The following ZNF536 variants were observed in gnomAD, a reference collection of about 807,000 sequenced individuals.
ZNF536 encodes the protein zinc finger protein 536.
ZNF536 carries 13 observed loss-of-function variants against 84.5 expected under a neutral mutation model. The ratio of observed to expected loss-of-function variants is 0.15; its 90% CI spans 0.10 to 0.24. The LOEUF (loss-of-function observed/expected upper bound fraction) is 0.24, where lower values mean the gene tolerates loss of function less well. Ranked by LOEUF, ZNF536 falls within the 10% of genes least tolerant of loss-of-function variation. ZNF536 has a pLI of 1.00. For missense variants in ZNF536, 1,536 were observed against 1,747.5 expected (o/e 0.88, Z 2.16); for synonymous variants, 811 against 742.5 (o/e 1.09, Z -1.50).
chr19:30,445,557 C>A lies in ZNF536; in HGVS notation c.1995C>A (p.His665Gln), dbSNP rs1267767541. The A allele has an allele frequency of 2.5e-6, 4 of 1,613,434 alleles. No homozygotes were observed. Among genetic ancestry groups the A allele is most frequent in the East Asian group, 2.2e-5 (1 of 44,820 alleles). The change falls in exon 2 of 5, where the codon CAC (histidine) becomes CAA (glutamine). Residue 665 changes from histidine (H) to glutamine (Q), a missense_variant. By Grantham distance (24) the His-to-Gln change is conservative (BLOSUM62 0). This residue lies in a region of ZNF536 where 366 missense variants were observed against 364.4 expected (regional missense o/e 1.00). Transcript: ENST00000355537. This position sits in a 1 kb window ranked among gnomAD's most constrained non-coding sequence, Gnocchi z 4.5. ...RDRKGEEDGLHVGLDERRGSG... is the reference protein window; with the variant it reads ...RDRKGEEDGLQVGLDERRGSG... Reference sequence around the variant, plus strand: ...GCAAGGGCGAGGAGGATGGGCTGCACGTGGGCCTGGATGAGCGGCGTGGCT... The same window carrying A: ...GCAAGGGCGAGGAGGATGGGCTGCAAGTGGGCCTGGATGAGCGGCGTGGCT...
At chr19:30,298,373 T>G (rs2046076164) in intron 2 of ZNF536, among the ~76,000 whole-genome samples, 1 of 152,222 alleles carries the variant, frequency 6.6e-6, no homozygotes, top group African/African-American at 2.4e-5. Flanking sequence ...CATCACCAGC[T>G]GTGCAGAGGC....
At chr19:30,271,819 C>T (rs371502505) in intron 1 of ZNF536, among the ~76,000 whole-genome samples, 106 of 152,262 alleles carry the variant, frequency 7.0e-4, no homozygotes, top group Middle Eastern at 3.4e-3. Context: ...GAGACAGACC[C>T]CAGGAAGTGG....
chr19:30,664,537 A>C (rs919850644), intron 1 of ZNF536, among the ~76,000 whole-genome samples: 1 of 152,156 alleles, frequency 6.6e-6, no homozygotes, highest in African/African-American at 2.4e-5. Context: ...ATCACAGGCC[A>C]GTTGCTTAAC....
chr19:30,272,988 C>T (rs568070090), intron 1 of ZNF536, among the ~76,000 whole-genome samples: 4 of 152,186 alleles, frequency 2.6e-5, no homozygotes, highest in Non-Finnish European at 5.9e-5. Context: ...TCATAGCTCA[C>T]TTCAGCCTCG....
chr19:30,707,742 G>T (rs1176214789), intron 1 of ZNF536, among the ~76,000 whole-genome samples: 1 of 152,178 alleles, frequency 6.6e-6, no homozygotes, highest in East Asian at 1.9e-4. Context: ...GGGCATGGTG[G>T]CTCACGTCTG....
intron 1 of ZNF536, among the ~76,000 whole-genome samples, chr19:30,283,882 C>A (rs2045540987): frequency 6.6e-6 from 1 of 152,160 alleles, no homozygotes; most frequent in African/African-American, 2.4e-5. Flanking sequence ...AAATTTGGTT[C>A]ATTGCAGCAA....
chr19:30,319,171 A>G (rs1238129873), intron 2 of ZNF536, among the ~76,000 whole-genome samples: 1 of 152,188 alleles, frequency 6.6e-6, no homozygotes, highest in Admixed American at 6.5e-5. Context: ...CAGGGTCCGC[A>G]CGCTCTACGC....
rs867502418 is a variant in ZNF536, at chr19:30,377,494, G to A, written c.-3+4938G>A. Among the ~76,000 whole-genome samples, 17 of 152,260 alleles carry A rather than the reference G, an allele frequency of 1.1e-4. No individual in the cohort carries two copies. The East Asian group carries it at 1.4e-3, about 12-fold the overall frequency. ...TTCAAAGCAAAAGCAAGTTTATTAA[G>A]AAAGTAAAGTGGTGAAAGTACGGCT... On this transcript the variant is annotated intron_variant, in intron 1 of 4. Coordinates refer to ENST00000355537, the MANE Select transcript of ZNF536 (RefSeq NM_014717.3).
intron 2 of ZNF536, among the ~76,000 whole-genome samples, chr19:30,340,292 T>C (rs1226734894): frequency 6.6e-6 from 1 of 151,972 alleles, no homozygotes; most frequent in African/African-American, 2.4e-5. Context: ...TCCTCAGAGG[T>C]GGTTTCAGGG....
rs12980596 is a variant in ZNF536, at chr19:30,524,531, G to T, written c.2171-10316G>T. On this transcript the variant is annotated intron_variant, in intron 2 of 4. Coordinates refer to ENST00000355537, the MANE Select transcript of ZNF536 (RefSeq NM_014717.3). ...GGCAAGACACATCTCTAGGGGAGGCGTTATCTCCAAATCATCCCTTCTCCT... is the reference window on the plus strand; with the variant it reads ...GGCAAGACACATCTCTAGGGGAGGCTTTATCTCCAAATCATCCCTTCTCCT... Among the ~76,000 whole-genome samples the T allele has an allele frequency of 2.6e-5, 4 of 152,150 alleles. No individual in the cohort carries two copies. In the East Asian group the frequency reaches 7.7e-4, roughly 29 times the overall value.
chr19:30,643,013 A>G (rs961380860), intron 1 of ZNF536, among the ~76,000 whole-genome samples: 1 of 152,232 alleles, frequency 6.6e-6, no homozygotes, highest in Non-Finnish European at 1.5e-5. Flanking sequence ...TTCAAAAGTC[A>G]TATCTTAAGT....
intron 3 of ZNF536, among the ~76,000 whole-genome samples, chr19:30,363,041 G>A (rs4805555): frequency 0.78 from 118,848 of 151,534 alleles, 46,787 homozygotes; most frequent in Admixed American, 0.82. Flanking sequence ...CCTGGGCAAC[G>A]CAGCGAGACT....
At chr19:30,278,028 G>T (rs2045301934) in intron 1 of ZNF536, among the ~76,000 whole-genome samples, 1 of 152,190 alleles carries the variant, frequency 6.6e-6, no homozygotes, top group Non-Finnish European at 1.5e-5. Flanking sequence ...GCTTCGTGCT[G>T]GTGACTTGGG....
intron 2 of ZNF536, among the ~76,000 whole-genome samples, chr19:30,336,052 T>C (rs915843502): frequency 6.6e-6 from 1 of 152,114 alleles, no homozygotes; most frequent in Non-Finnish European, 1.5e-5. Flanking sequence ...TTCGGTTCAG[T>C]TCTAGAGGGA....
intron 2 of ZNF536, among the ~76,000 whole-genome samples, chr19:30,302,493 T>C (rs1205226242): frequency 6.6e-6 from 1 of 152,140 alleles, no homozygotes; most frequent in African/African-American, 2.4e-5. Context: ...ACCCGGGTGG[T>C]CCTCAGACAG....
rs749535726 is a variant in ZNF536, at chr19:30,445,642, G to C, written c.2080G>C (p.Val694Leu). 6.2e-7 allele frequency: 1 copy of C among 1,612,656 alleles called. No homozygotes were observed. The highest frequency in any genetic ancestry group is 1.7e-4 in the Middle Eastern group (1 of 6,036). The change falls in exon 2 of 5, where the codon GTC becomes CTC. Residue 694 changes from valine to leucine, a missense_variant. By Grantham distance (32) the Val-to-Leu change is conservative. Around this residue, in one of 8 missense-constraint regions of ZNF536, gnomAD observed 148 missense variants for 205.4 expected, o/e 0.72. Coordinates refer to ENST00000355537, the MANE Select transcript of ZNF536 (RefSeq NM_014717.3). This position sits in a 1 kb window ranked among gnomAD's most constrained non-coding sequence, Gnocchi z 4.5. ...CTCCACCACGCCGGGCTCCTCTAAC[G>C]TCACCGAGGAGAGCGGGGTCGGAGG... ...SRSTTPGSSNVTEESGVGGGL... is the reference protein window; with the variant it reads ...SRSTTPGSSNLTEESGVGGGL...
chr19:30,588,882 A>G (rs151030706), intron 1 of ZNF536, among the ~76,000 whole-genome samples: 2,829 of 152,348 alleles, frequency 0.019, 25 homozygotes, highest in Non-Finnish European at 0.026. Flanking sequence ...TTTTTTAAGT[A>G]AGGAAATAAT....
At chr19:30,270,769 A>G (rs1368106545) in intron 1 of ZNF536, among the ~76,000 whole-genome samples, 2 of 147,280 alleles carry the variant, frequency 1.4e-5, no homozygotes, top group East Asian at 3.9e-4. Context: ...TTTTTTTTTT[A>G]AAGAACAATG....
chr19:30,458,743 C>T (rs557333261), intron 2 of ZNF536, among the ~76,000 whole-genome samples: 83 of 152,208 alleles, frequency 5.5e-4, no homozygotes, highest in Admixed American at 9.2e-4. Flanking sequence ...TGAGCCACCA[C>T]GCCTGGCTGA....
Sources: allele counts gnomAD v4.1 joint callset (sites outside exome capture counted in the v4.1 genomes callset), GRCh38; gene constraint gnomAD v4.1.1; regional missense constraint gnomAD v4.1.1; non-coding constraint Gnocchi (gnomAD v3.1); transcripts MANE v1.5; gene names NCBI Gene and HGNC (gene_info 2026-07-23, HGNC 2026-07-21).